The following SEL1L2 variants were observed in gnomAD, a reference collection of about 807,000 sequenced individuals.
The protein encoded by SEL1L2 is SEL1L2 adaptor subunit of SYVN1 ubiquitin ligase.
Under a neutral mutation model 98.8 loss-of-function variants are expected in SEL1L2, and 89 were observed. That is an observed-to-expected ratio of 0.90 (90% CI 0.76 to 1.07). The LOEUF (loss-of-function observed/expected upper bound fraction) is 1.07. Ranked by LOEUF, SEL1L2 falls within the 50% of genes least tolerant of loss-of-function variation. The probability of loss-of-function intolerance (pLI) is 0.00; values close to 1 mark genes in which losing one functional copy is unlikely to be tolerated. For missense variants in SEL1L2, 788 were observed against 812.0 expected, an observed-to-expected ratio of 0.97 and a Z score of 0.36; for synonymous variants, 262 against 278.5, an observed-to-expected ratio of 0.94 and a Z score of 0.59.
At chr20:13,917,382 T>C (rs2148215289) in intron 4 of SEL1L2, among the ~76,000 whole-genome samples, 1 of 152,310 alleles carries the variant, frequency 6.6e-6, no homozygotes, top group South Asian at 2.1e-4. Flanking sequence ...CCTCACTTCT[T>C]TCTTGTCTCT....
At chr20:13,972,313 A>G (rs959094134) in intron 1 of SEL1L2, among the ~76,000 whole-genome samples, 1 of 152,192 alleles carries the variant, frequency 6.6e-6, no homozygotes, top group Non-Finnish European at 1.5e-5. Flanking sequence ...CTCCAGATAC[A>G]CTTTAATTTT....
intron 3 of SEL1L2, among the ~76,000 whole-genome samples, chr20:13,922,365 CTTTA>C (rs1205427562): frequency 6.6e-6 from 1 of 152,118 alleles, no homozygotes; most frequent in Admixed American, 6.5e-5. Flanking sequence ...TCGATTGCAT[CTTTA>C]TTTGACTAAA....
At chr20:13,913,757 G>A (rs1322555326) in intron 5 of SEL1L2, 25 bp downstream of exon 5, 5 of 1,498,944 alleles carry the variant, frequency 3.3e-6, no homozygotes, top group East Asian at 2.6e-5. Context: ...AGCTATTTAA[G>A]GTTTCATTTT....
chr20:13,962,325 G>C (rs1016953913), intron 1 of SEL1L2, among the ~76,000 whole-genome samples: 2 of 152,172 alleles, frequency 1.3e-5, no homozygotes, highest in African/African-American at 4.8e-5. Context: ...CTGAAATGTG[G>C]CAGATGACAC....
intron 5 of SEL1L2, among the ~76,000 whole-genome samples, chr20:13,891,914 G>T (rs1310859366): frequency 6.6e-6 from 1 of 152,086 alleles, no homozygotes; most frequent in Non-Finnish European, 1.5e-5. Context: ...CTATGAAAAG[G>T]TATGTATGTA....
chr20:13,962,498 T>C (rs1039335827), intron 1 of SEL1L2, among the ~76,000 whole-genome samples: 1 of 152,150 alleles, frequency 6.6e-6, no homozygotes, highest in African/African-American at 2.4e-5. Context: ...TGCATGAAAC[T>C]GCATGAGAGT....
intron 18 of SEL1L2, among the ~76,000 whole-genome samples, chr20:13,854,921 C>T (rs773299929): frequency 3.3e-5 from 5 of 151,894 alleles, no homozygotes; most frequent in Non-Finnish European, 7.4e-5. Context: ...CATAGTGGTG[C>T]GTGCCTGTAG....
chr20:13,863,992 TAAAG>T (rs1032310046), intron 17 of SEL1L2, among the ~76,000 whole-genome samples: 1 of 150,410 alleles, frequency 6.6e-6, no homozygotes, highest in Non-Finnish European at 1.5e-5. Flanking sequence ...AAGAAAAAGA[TAAAG>T]AAAAAAATAT....
rs190629211 is a variant in SEL1L2, at chr20:13,929,225, C to T, written c.283+2378G>A. 2.0e-5 allele frequency among the ~76,000 whole-genome samples: 3 copies of T among 152,066 alleles called. No individual in the cohort carries two copies. The East Asian group carries it at 5.8e-4, about 29-fold the overall frequency. ...CACAATCGCATAAGCCACTCACTTGCAATAAATTCCTAAGTATAGACATCT... is the reference window on the plus strand; with the variant it reads ...CACAATCGCATAAGCCACTCACTTGTAATAAATTCCTAAGTATAGACATCT... On this transcript the variant is annotated intron_variant, in intron 3 of 19. Transcript: ENST00000284951.
chr20:13,942,984 A>T (rs1037159707), intron 2 of SEL1L2, among the ~76,000 whole-genome samples: 4 of 152,276 alleles, frequency 2.6e-5, no homozygotes, highest in African/African-American at 9.6e-5. Flanking sequence ...TTCCTAACAC[A>T]TCTAAGATTT....
At chr20:13,960,318 T>C (rs2050722482) in intron 1 of SEL1L2, among the ~76,000 whole-genome samples, 1 of 152,126 alleles carries the variant, frequency 6.6e-6, no homozygotes, top group Non-Finnish European at 1.5e-5. Context: ...AATCAAACTG[T>C]CAGTGGTCAA....
At chr20:13,901,171 T>C (rs1026168455) in intron 5 of SEL1L2, among the ~76,000 whole-genome samples, 11 of 150,264 alleles carry the variant, frequency 7.3e-5, no homozygotes, top group East Asian at 4.0e-4. Flanking sequence ...CCCGGGTTCA[T>C]GCCATTCTCC....
intron 2 of SEL1L2, among the ~76,000 whole-genome samples, chr20:13,946,659 C>G (rs2050025432): frequency 6.6e-6 from 1 of 152,206 alleles, no homozygotes; most frequent in Non-Finnish European, 1.5e-5. Flanking sequence ...GGTGGGAGCC[C>G]CACCTTCCTG....
chr20:13,894,838 G>A (rs1044289144), intron 5 of SEL1L2, among the ~76,000 whole-genome samples: 7 of 152,156 alleles, frequency 4.6e-5, no homozygotes, highest in Non-Finnish European at 1.0e-4. Flanking sequence ...TTAGTAGATT[G>A]AATCAGTAAT....
intron 19 of SEL1L2, chr20:13,849,886 T>C (rs1226338654): frequency 3.7e-6 from 2 of 544,746 alleles, no homozygotes; most frequent in Admixed American, 3.3e-5. Flanking sequence ...GTCTCGGCTA[T>C]TGATGGTAAG....
intron 5 of SEL1L2, among the ~76,000 whole-genome samples, chr20:13,902,361 A>G (rs1218757216): frequency 6.6e-6 from 1 of 152,248 alleles, no homozygotes; most frequent in Non-Finnish European, 1.5e-5. Flanking sequence ...TAGGCAAGAT[A>G]AATACTTGAC....
chr20:13,918,051 G>A (rs6135016), intron 4 of SEL1L2, among the ~76,000 whole-genome samples: 5,932 of 151,954 alleles, frequency 0.039, 294 homozygotes, highest in African/African-American at 0.11. Flanking sequence ...TTGGCCTCCC[G>A]AAGAGCTGGG....
chr20:13,966,240 A>C (rs560191452), intron 1 of SEL1L2, among the ~76,000 whole-genome samples: 40 of 152,242 alleles, frequency 2.6e-4, no homozygotes, highest in Admixed American at 5.9e-4. Flanking sequence ...TGAGATGCTT[A>C]TTTTTGGACA....
At chr20:13,920,584 CAT>C (rs1429967413) in intron 3 of SEL1L2, among the ~76,000 whole-genome samples, 1 of 115,262 alleles carries the variant, frequency 8.7e-6, no homozygotes, top group African/African-American at 3.5e-5. Context: ...CACACTCTCA[CAT>C]ACACACACAC....
Sources: allele counts gnomAD v4.1 joint callset (sites outside exome capture counted in the v4.1 genomes callset), GRCh38; gene constraint gnomAD v4.1.1; transcripts MANE v1.5; gene names NCBI Gene and HGNC (gene_info 2026-07-23, HGNC 2026-07-21).